The following SIAE variants were observed in gnomAD, a reference collection of about 807,000 sequenced individuals.
SIAE encodes sialate O-acetylesterase.
Under a neutral mutation model 52.6 loss-of-function variants are expected in SIAE, and 39 were observed. The ratio of observed to expected loss-of-function variants is 0.74; its 90% confidence interval spans 0.57 to 0.97. SIAE has a LOEUF of 0.97. Ranked by LOEUF, SIAE falls within the 50% of genes least tolerant of loss-of-function variation. SIAE has a pLI of 0.00. For missense variants in SIAE, 592 were observed against 662.1 expected, an observed-to-expected ratio of 0.89 and a Z score of 1.16; for synonymous variants, 233 against 241.4, an observed-to-expected ratio of 0.97 and a Z score of 0.32.
intron 7 of SIAE, among the ~76,000 whole-genome samples, chr11:124,642,508 T>C (rs1271412865): frequency 6.6e-6 from 1 of 151,794 alleles, no homozygotes; most frequent in Non-Finnish European, 1.5e-5. Context: ...TGGAGAAAAA[T>C]ATAATAGGGA....
chr11:124,669,332 T>G, intron 2 of SIAE, 28 bp downstream of exon 2: 1 of 1,613,916 alleles, frequency 6.2e-7, no homozygotes, highest in Non-Finnish European at 8.5e-7. Flanking sequence ...AAGAGGGCAA[T>G]AGCTGAACGG....
In SIAE at chr11:124,638,874, T is replaced by C. The variant is rs1591382819; in HGVS notation, c.1125-137A>G. On this transcript the variant is annotated intron_variant, in intron 8 of 9. Transcript: ENST00000263593. Reference sequence around the variant, plus strand: ...ACTGAACTCTGTGATCAGTGGCTAGTCAGCTCAAGGGAAATGGTGAATGGT... The same window carrying C: ...ACTGAACTCTGTGATCAGTGGCTAGCCAGCTCAAGGGAAATGGTGAATGGT... 5.1e-5 allele frequency: 36 copies of C among 711,420 alleles called. No homozygotes were observed. The East Asian group carries it at 9.4e-4, about 19-fold the overall frequency. 44.1% of individuals were successfully genotyped at this position (711,420 alleles called of 1,614,324 possible). A position where few individuals can be genotyped will look rare whatever the true frequency, so the allele number is the denominator to read the frequency against.
At chr11:124,640,586 GGCAA>G (rs1463178834) in intron 7 of SIAE, among the ~76,000 whole-genome samples, 2 of 152,190 alleles carry the variant, frequency 1.3e-5, no homozygotes, top group Non-Finnish European at 2.9e-5. Context: ...AGGCACTGTA[GGCAA>G]GCAGAGAAGA....
intron 4 of SIAE, among the ~76,000 whole-genome samples, chr11:124,650,768 T>A (rs1943005326): frequency 6.6e-6 from 1 of 151,902 alleles, no homozygotes; most frequent in Non-Finnish European, 1.5e-5. Flanking sequence ...AGCAAAACTC[T>A]GTCTCAAAAA....
chr11:124,638,861 G>C, intron 8 of SIAE, 124 bp from the exon 9 acceptor site: 1 of 760,606 alleles, frequency 1.3e-6, no homozygotes, highest in Non-Finnish European at 2.2e-6. Flanking sequence ...TGAACTCTGT[G>C]ATCAGTGGCT....
chr11:124,674,518 C>CAGT (rs1943432566), upstream of SIAE: 1 of 152,310 alleles, frequency 6.6e-6, no homozygotes, highest in Non-Finnish European at 1.5e-5. Flanking sequence ...TTTTCATACT[C>CAGT]AGTAGTAGCT....
intron 3 of SIAE, 122 bp from the exon 4 acceptor site, chr11:124,654,915 A>G (rs1395922760): frequency 8.8e-7 from 1 of 1,134,502 alleles, no homozygotes. Context: ...ATTAATAACC[A>G]AAACCAATGG....
intron 4 of SIAE, among the ~76,000 whole-genome samples, chr11:124,652,712 G>C (rs980388307): frequency 6.9e-6 from 1 of 145,786 alleles, no homozygotes; most frequent in Non-Finnish European, 1.5e-5. Flanking sequence ...AAAAAAAAAA[G>C]GGGGAAGAGC....
Position 124,654,656 on chromosome 11 carries a change from TGAG to T in SIAE, c.540_542del (p.Ser181del), listed in dbSNP as rs758013428. 6 of 1,614,160 alleles carry T rather than the reference TGAG, an allele frequency of 3.7e-6. No homozygotes were observed. The highest frequency in any genetic ancestry group is 1.7e-4 in the Middle Eastern group (1 of 6,060). On this transcript the variant is annotated inframe_deletion and splice_region_variant, in exon 4 of 10. Coordinates refer to ENST00000263593, the MANE Select transcript of SIAE (RefSeq NM_170601.5). Reference sequence around the variant, plus strand: ...CAGCACGTTCAAGCCGTCACATACCTGAGGTGGGCTTAGACCACTGCAAGTCAA... The same window carrying T: ...CAGCACGTTCAAGCCGTCACATACCTGTGGGCTTAGACCACTGCAAGTCAA...
intron 3 of SIAE, chr11:124,658,921 T>TA (rs1943142465): frequency 6.6e-6 from 1 of 152,196 alleles, no homozygotes; most frequent in Admixed American, 6.5e-5. Context: ...CATAGACTGT[T>TA]AAGAGACTAG....
Position 124,669,500 on chromosome 11 carries a change from G to A in SIAE, c.89C>T (p.Ser30Leu). Residue 30 changes from serine to leucine, a missense_variant, in exon 2 of 10, where the codon TCA (serine) becomes TTA (leucine). Physicochemically the swap from Ser to Leu is moderately radical, Grantham distance 145 (BLOSUM62 -2). Coordinates refer to ENST00000263593, the MANE Select transcript of SIAE (RefSeq NM_170601.5). ...RSAGIGFRFA[S>L]YINNDMVLQK... ...CAGCACCATATCATTATTGATGTATGAAGCAAAGCGAAAACCAATACCTAA... is the reference window on the plus strand; with the variant it reads ...CAGCACCATATCATTATTGATGTATAAAGCAAAGCGAAAACCAATACCTAA... The A allele has an allele frequency of 6.2e-7, 1 of 1,614,018 alleles. No individual in the cohort carries two copies. The highest frequency in any genetic ancestry group is 8.5e-7 in the Non-Finnish European group (1 of 1,180,026).
intron 7 of SIAE, among the ~76,000 whole-genome samples, chr11:124,642,693 AAGGTAATGGGATATC>A: frequency 6.6e-6 from 1 of 152,212 alleles, no homozygotes; most frequent in Non-Finnish European, 1.5e-5. Context: ...GGCTATGGCA[AAGGTAATGGGATATC>A]ACTCCTGTGA....
At position 124,645,602 on chromosome 11, in the gene SIAE, G is replaced by C. The variant is rs376990588; in HGVS notation, c.966+1763C>G. Among the ~76,000 whole-genome samples, 6 of 152,080 alleles carry C rather than the reference G, an allele frequency of 3.9e-5. No individual in the cohort carries two copies. Among genetic ancestry groups the C allele is most frequent in the African/African-American group, 7.2e-5 (3 of 41,398 alleles). On this transcript the variant is annotated intron_variant, in intron 7 of 9. Transcript: ENST00000263593. This position sits in a 1 kb window ranked among gnomAD's most constrained non-coding sequence, Gnocchi z 4.7. ...AAGCGTGAGCCACCAAGCCCGGCCT[G>C]ATTGCTATATTTCTAGCACCTCACA...
intron 3 of SIAE, among the ~76,000 whole-genome samples, chr11:124,658,366 A>G (rs1943132441): frequency 6.6e-6 from 1 of 152,120 alleles, no homozygotes; most frequent in South Asian, 2.1e-4. Flanking sequence ...AACTATTAAA[A>G]AAAAAAAAGC....
intron 2 of SIAE, among the ~76,000 whole-genome samples, chr11:124,662,977 TCTACTAAA>T (rs1943211754): frequency 6.6e-6 from 1 of 151,908 alleles, no homozygotes; most frequent in African/African-American, 2.4e-5. Context: ...AAACCCTGTC[TCTACTAAA>T]AATACAAAAA....
In SIAE at chr11:124,645,696, T is replaced by A. The variant is rs1223522234; in HGVS notation, c.966+1669A>T. Among the ~76,000 whole-genome samples the A allele has an allele frequency of 6.6e-6, 1 of 152,140 alleles. No homozygotes were observed. The highest frequency in any genetic ancestry group is 2.4e-5 in the African/African-American group (1 of 41,400). ...TGAGTTGGCTAAAGTCATACTCAAA[T>A]CACCATGTGCACAGGCCAAGGGAGA... is the stretch of plus-strand genomic sequence containing the variant. On this transcript the variant is annotated intron_variant, in intron 7 of 9. Transcript: ENST00000263593. The surrounding 1 kb of genome is among the most constrained non-coding windows in gnomAD (Gnocchi z 4.7).
rs1591379947 is a variant in SIAE, at chr11:124,635,352, G to C, written c.*1599C>G. 1 of 152,180 alleles carries C rather than the reference G, an allele frequency of 6.6e-6. No homozygotes were observed. The highest frequency in any genetic ancestry group is 1.9e-4 in the East Asian group (1 of 5,198). The allele number at this position is 152,180 out of a possible 1,614,324, so 9.4% of individuals were successfully genotyped here. On this transcript the variant is annotated 3_prime_UTR_variant, in exon 10 of 10. Coordinates refer to ENST00000263593, the MANE Select transcript of SIAE (RefSeq NM_170601.5). ...GCCAACGTTCCTTGTAAAGTGTGTA[G>C]ATTTTTTGTTTTTTAACTAAATAAA...
chr11:124,637,270 C>T, intron 9 of SIAE, 68 bp from the exon 10 acceptor site: 2 of 1,602,588 alleles, frequency 1.2e-6, no homozygotes, highest in Non-Finnish European at 1.7e-6. Context: ...GGGCACTGCT[C>T]TTTCAGACAG....
At position 124,637,290 on chromosome 11, in the gene SIAE, G is replaced by A. The variant is rs558279854; in HGVS notation, c.1321-88C>T. The stretch of plus-strand genomic sequence containing the variant: ...CTGCTCTTTCAGACAGAATGGATGG[G>A]AGGAAAGGAGACACTCTTCACCAAG... On this transcript the variant is annotated intron_variant, in intron 9 of 9. Transcript: ENST00000263593. 112 of 1,571,972 alleles carry A rather than the reference G, an allele frequency of 7.1e-5. No individual in the cohort carries two copies. In the South Asian group the frequency reaches 1.1e-3, roughly 16 times the overall value.
Sources: allele counts gnomAD v4.1 joint callset (sites outside exome capture counted in the v4.1 genomes callset), GRCh38; gene constraint gnomAD v4.1.1; non-coding constraint Gnocchi (gnomAD v3.1); transcripts MANE v1.5; gene names NCBI Gene and HGNC (gene_info 2026-07-23, HGNC 2026-07-21).